Variants in TIAM2 observed in about 807,000 individuals in gnomAD.
The protein encoded by TIAM2 is rho guanine nucleotide exchange factor TIAM2.
TIAM2 carries 80 observed loss-of-function variants against 152.9 expected under a neutral mutation model. That is an observed-to-expected ratio of 0.52 (90% CI 0.44 to 0.63). The LOEUF (loss-of-function observed/expected upper bound fraction) is 0.63, where lower values mean the gene tolerates loss of function less well. Ranked by LOEUF, TIAM2 falls within the 30% of genes least tolerant of loss-of-function variation. The pLI, the probability that TIAM2 is intolerant of heterozygous loss-of-function variation, is 0.00. For synonymous variants in TIAM2, 804 were observed against 838.0 expected (o/e 0.96, Z 0.70); for missense variants, 1,965 against 2,120.1 (o/e 0.93, Z 1.44).
chr6:155,229,632 C>T (rs1247590065), intron 15 of TIAM2, among the ~76,000 whole-genome samples: 2 of 152,250 alleles, frequency 1.3e-5, no homozygotes, highest in Non-Finnish European at 2.9e-5. Context: ...TAGTCTCAAG[C>T]ACATTCTGAG....
intron 22 of TIAM2, 61 bp downstream of exon 22, chr6:155,251,082 ACTAGCCGCACCAGT>A: frequency 7.0e-7 from 1 of 1,428,146 alleles, no homozygotes; most frequent in South Asian, 1.1e-5. Flanking sequence ...GAAGAACTTC[ACTAGCCGCACCAGT>A]CCAGCTCACT....
chr6:155,248,235 C>T, intron 20 of TIAM2, 56 bp downstream of exon 20: 3 of 1,552,524 alleles, frequency 1.9e-6, no homozygotes, highest in Non-Finnish European at 1.7e-6. Context: ...CGAGGGGCTG[C>T]CAGCCGTGCC....
At chr6:155,116,132 C>A (rs993371032) in intron 2 of TIAM2, among the ~76,000 whole-genome samples, 1 of 152,076 alleles carries the variant, frequency 6.6e-6, no homozygotes, top group African/African-American at 2.4e-5. Context: ...AGGCCCTTCC[C>A]CCTCCATCCG....
intron 5 of TIAM2, among the ~76,000 whole-genome samples, chr6:155,140,362 C>T (rs75114061): frequency 6.6e-6 from 1 of 152,154 alleles, no homozygotes; most frequent in African/African-American, 2.4e-5. Context: ...CTCCTAGTCA[C>T]ATGATGTGAA....
At chr6:155,205,182 TAAA>T (rs61272546) in intron 14 of TIAM2, among the ~76,000 whole-genome samples, 131 of 40,362 alleles carry the variant, frequency 3.2e-3, no homozygotes, top group Non-Finnish European at 5.7e-3. Context: ...TATTAATTTC[TAAA>T]AAAAAAAAAA....
rs775975289 is a variant in TIAM2, at chr6:155,252,001, T to C, written c.4117T>C (p.Leu1373=). 6 of 1,603,770 alleles carry C rather than the reference T, an allele frequency of 3.7e-6. No homozygotes were observed. The South Asian group carries it at 5.6e-5, about 15-fold the overall frequency. ...YKENCKLKKK[L]PSNSRPAHNS... is the part of the protein sequence containing the mutation. ...AGAAAACTGCAAACTGAAAAAGAAA[T>C]TGGTAAGGCAAAAATTCATTTTAAT... Residue 1373 remains leucine, a splice_region_variant and synonymous_variant, in exon 23 of 27, where the codon TTG becomes CTG. Transcript: ENST00000682666.
rs1268865243 is a variant in TIAM2, at chr6:155,016,850, A to G, written c.-209+21358A>G. Among the ~76,000 whole-genome samples the G allele has an allele frequency of 2.0e-5, 3 of 152,244 alleles. No homozygotes were observed. In the East Asian group the frequency reaches 5.8e-4, roughly 29 times the overall value. On this transcript the variant is annotated intron_variant, in intron 1 of 26. Coordinates refer to ENST00000682666, the MANE Select transcript of TIAM2 (RefSeq NM_012454.4). ...GGGAAGCGGAAGTTGCTGTGAGCCAAGATCATGCCACTGCACTCCAGCCTG... is the reference window on the plus strand; with the variant it reads ...GGGAAGCGGAAGTTGCTGTGAGCCAGGATCATGCCACTGCACTCCAGCCTG...
rs533545506 is a variant in TIAM2 at position 155,070,307 on chromosome 6, G to A, written c.-208-19982G>A. 2.2e-3 allele frequency among the ~76,000 whole-genome samples: 289 copies of A among 129,088 alleles called. 1 individual carries two copies. The Middle Eastern group carries it at 0.037, about 16-fold the overall frequency. 84.7% of individuals were successfully genotyped at this position (129,088 alleles called of 152,430 possible). ...GCGATCTCGGCTCACTGCAACCTCTGCCTCCCGGGTTCAAACGATTCTCCT... is the reference window on the plus strand; with the variant it reads ...GCGATCTCGGCTCACTGCAACCTCTACCTCCCGGGTTCAAACGATTCTCCT... On this transcript the variant is annotated intron_variant, in intron 1 of 26. Coordinates refer to ENST00000682666, the MANE Select transcript of TIAM2 (RefSeq NM_012454.4).
intron 9 of TIAM2, among the ~76,000 whole-genome samples, chr6:155,172,200 T>C (rs1274039316): frequency 6.6e-6 from 1 of 152,196 alleles, no homozygotes; most frequent in African/African-American, 2.4e-5. Context: ...CTGGAGTGAC[T>C]GTGGCTGCAG....
intron 1 of TIAM2, among the ~76,000 whole-genome samples, chr6:155,030,120 C>T (rs967855885): frequency 6.6e-6 from 1 of 152,050 alleles, no homozygotes; most frequent in Non-Finnish European, 1.5e-5. Flanking sequence ...ATAGTTATCA[C>T]TTGTAAAGCA....
Position 155,129,027 on chromosome 6 carries a change from G to C in TIAM2, c.-6-191G>C. 1 of 592,898 alleles carries C rather than the reference G, an allele frequency of 1.7e-6. No individual in the cohort carries two copies. Among genetic ancestry groups the C allele is most frequent in the Non-Finnish European group, 3.0e-6 (1 of 335,058 alleles). The allele number at this position is 592,898 out of a possible 1,614,324, so 36.7% of individuals were successfully genotyped here. ...AGCAGACAGGTGTGCAGTGTTGTCT[G>C]TCTAGCTAATGAGCAGCCTTGCAAA... On this transcript the variant is annotated intron_variant, in intron 3 of 26. Coordinates refer to ENST00000682666, the MANE Select transcript of TIAM2 (RefSeq NM_012454.4). The surrounding 1 kb of genome is among the most constrained non-coding windows in gnomAD (Gnocchi z 4.8).
At chr6:155,029,913 C>A (rs1333782603) in intron 1 of TIAM2, among the ~76,000 whole-genome samples, 2 of 151,810 alleles carry the variant, frequency 1.3e-5, no homozygotes, top group African/African-American at 4.8e-5. Context: ...CCGTCTCAGC[C>A]TCCCAAGTAG....
chr6:155,152,269 G>T (rs1306330737), intron 7 of TIAM2, among the ~76,000 whole-genome samples: 1 of 152,220 alleles, frequency 6.6e-6, no homozygotes, highest in African/African-American at 2.4e-5. Context: ...CTGCCAAGAA[G>T]AATGCAGGAG....
chr6:155,130,034 G>C lies in TIAM2; in HGVS notation c.811G>C (p.Gly271Arg), dbSNP rs199946763. 1.1e-5 allele frequency: 18 copies of C among 1,613,898 alleles called. No individual in the cohort carries two copies. The Admixed American group carries it at 3.0e-4, about 27-fold the overall frequency. Residue 271 changes from glycine (G) to arginine (R), a missense_variant, in exon 4 of 27, where the codon GGC becomes CGC. This residue lies in a region of TIAM2 where 1,025 missense variants were observed against 1,119.4 expected (regional missense o/e 0.92). Transcript: ENST00000682666. ...GGCTGAGGGCTCCTTCCTGGCCCCC[G>C]GCATGCCTGACCCCAGTCTCCATGC... The part of the protein sequence containing the change: ...SEAEGSFLAP[G>R]MPDPSLHASF...
At chr6:155,211,814 A>T (rs1447307225) in intron 15 of TIAM2, among the ~76,000 whole-genome samples, 3 of 152,148 alleles carry the variant, frequency 2.0e-5, no homozygotes, top group Non-Finnish European at 2.9e-5. Flanking sequence ...CACCACCACC[A>T]TCTAGAACTT....
intron 9 of TIAM2, among the ~76,000 whole-genome samples, chr6:155,172,677 TATATATA>T (rs1204269555): frequency 5.3e-3 from 79 of 14,894 alleles, no homozygotes; most frequent in East Asian, 0.01. Context: ...TATATATATA[TATATATA>T]TATTTTTTTT....
At chr6:155,173,941 C>T (rs564663403) in intron 9 of TIAM2, among the ~76,000 whole-genome samples, 46 of 152,206 alleles carry the variant, frequency 3.0e-4, no homozygotes, top group African/African-American at 1.1e-3. Flanking sequence ...CTTGTAAGGA[C>T]GGTACAGCAG....
At chr6:155,132,825 A>T (rs577903172) in intron 4 of TIAM2, among the ~76,000 whole-genome samples, 11 of 152,276 alleles carry the variant, frequency 7.2e-5, no homozygotes, top group African/African-American at 2.6e-4. Flanking sequence ...TCATCTGTAT[A>T]TGTGGCCTGG....
At chr6:154,997,826 G>C (rs6928659) in intron 1 of TIAM2, among the ~76,000 whole-genome samples, 149,896 of 151,516 alleles carry the variant, frequency 0.99, 74,158 homozygotes, top group Middle Eastern at 1. Flanking sequence ...TTTGTAGAGA[G>C]GGGGTTTCGC....
Sources: gnomAD v4.1 joint callset for allele counts (sites outside exome capture counted in the v4.1 genomes callset) on GRCh38, gnomAD v4.1.1 for gene constraint, gnomAD v4.1.1 regional missense constraint, Gnocchi (gnomAD v3.1) non-coding constraint, MANE v1.5 for transcripts, NCBI Gene and HGNC (gene_info 2026-07-23, HGNC 2026-07-21) for gene names.